MALRD1: variants seen among roughly 807,000 people sequenced by gnomAD.
MALRD1 encodes the protein MAM and LDL-receptor class A domain-containing protein 1.
A neutral mutation model predicts 242.1 loss-of-function variants in MALRD1; 247 were observed. That is an observed-to-expected ratio of 1.02 (90% CI 0.92 to 1.13). MALRD1 has a LOEUF of 1.13. Among genes scored for constraint, MALRD1 ranks in the 50% most tolerant of loss-of-function variants. The probability of loss-of-function intolerance (pLI) is 0.00; values close to 1 mark genes in which losing one functional copy is unlikely to be tolerated. For missense variants in MALRD1, 2,989 were observed against 2,533.1 expected (o/e 1.18, Z -3.86); for synonymous variants, 995 against 866.6 (o/e 1.15, Z -2.60).
intron 14 of MALRD1, among the ~76,000 whole-genome samples, chr10:19,179,289 G>T (rs1835392049): frequency 6.6e-6 from 1 of 152,164 alleles, no homozygotes; most frequent in Non-Finnish European, 1.5e-5. Context: ...ATAAGCTCTA[G>T]ACATCTGCTG....
intron 36 of MALRD1, among the ~76,000 whole-genome samples, chr10:19,645,999 C>T (rs1236686643): frequency 2.0e-5 from 3 of 151,852 alleles, no homozygotes; most frequent in African/African-American, 7.3e-5. Flanking sequence ...TGTTTTTGTT[C>T]TTGTGAACTA....
intron 22 of MALRD1, among the ~76,000 whole-genome samples, chr10:19,325,824 TC>T (rs1412775197): frequency 6.6e-6 from 1 of 152,092 alleles, no homozygotes; most frequent in African/African-American, 2.4e-5. Flanking sequence ...TTTCCTGCTT[TC>T]TTTTTCCCCA....
At chr10:19,149,216 A>G (rs1459032136) in intron 11 of MALRD1, among the ~76,000 whole-genome samples, 2 of 151,992 alleles carry the variant, frequency 1.3e-5, no homozygotes, top group African/African-American at 4.8e-5. Flanking sequence ...CCCAGGTTCA[A>G]GCAATTCTCC....
intron 29 of MALRD1, among the ~76,000 whole-genome samples, chr10:19,479,000 T>C (rs1816301581): frequency 6.6e-6 from 1 of 152,248 alleles, no homozygotes; most frequent in Non-Finnish European, 1.5e-5. Flanking sequence ...ATGTTTAGAA[T>C]GTATTTGGTG....
intron 28 of MALRD1, among the ~76,000 whole-genome samples, chr10:19,420,230 G>A (rs764672376): frequency 2.6e-5 from 4 of 152,074 alleles, no homozygotes; most frequent in Non-Finnish European, 4.4e-5. Context: ...ATGACGGGGT[G>A]AGTGGTTTGG....
chr10:19,137,990 TATA>T (rs1481564104), intron 10 of MALRD1, among the ~76,000 whole-genome samples: 2 of 152,206 alleles, frequency 1.3e-5, no homozygotes, highest in African/African-American at 4.8e-5. Flanking sequence ...GTGAAAATAT[TATA>T]ATAAGATAAA....
At chr10:19,097,515 T>G (rs1836085440) in intron 4 of MALRD1, among the ~76,000 whole-genome samples, 1 of 152,182 alleles carries the variant, frequency 6.6e-6, no homozygotes, top group African/African-American at 2.4e-5. Context: ...ACTGTTGTCC[T>G]AAAATGTTCA....
At chr10:19,278,679 T>G (rs1840656707) in intron 19 of MALRD1, among the ~76,000 whole-genome samples, 1 of 152,126 alleles carries the variant, frequency 6.6e-6, no homozygotes, top group Non-Finnish European at 1.5e-5. Context: ...TCTGACTGCC[T>G]TGCCCACTAG....
chr10:19,306,493 C>T (rs535496568), intron 21 of MALRD1, among the ~76,000 whole-genome samples: 13 of 138,968 alleles, frequency 9.4e-5, no homozygotes, highest in Admixed American at 3.8e-4. Context: ...TATATAGTGT[C>T]GTATATGTAC....
chr10:19,384,828 A>G (rs1172611224), intron 26 of MALRD1, among the ~76,000 whole-genome samples: 1 of 150,842 alleles, frequency 6.6e-6, no homozygotes, highest in Non-Finnish European at 1.5e-5. Flanking sequence ...AAGACTGGGC[A>G]TTAATTCTTT....
intron 10 of MALRD1, among the ~76,000 whole-genome samples, chr10:19,138,978 T>C (rs1833450317): frequency 6.6e-6 from 1 of 152,192 alleles, no homozygotes; most frequent in Admixed American, 6.5e-5. Flanking sequence ...ATTAGTCTTT[T>C]AAGTTTTTAA....
chr10:19,384,030 A>G (rs950905288), intron 26 of MALRD1, among the ~76,000 whole-genome samples: 1 of 151,784 alleles, frequency 6.6e-6, no homozygotes, highest in Non-Finnish European at 1.5e-5. Context: ...CTGAATGATA[A>G]TTCTGGTATT....
In MALRD1 at chr10:19,367,699, T is replaced by A. The variant is rs529387866; in HGVS notation, c.4441+15402T>A. Among the ~76,000 whole-genome samples the A allele has an allele frequency of 9.2e-5, 14 of 152,266 alleles. No individual in the cohort carries two copies. In the East Asian group the frequency reaches 2.7e-3, roughly 29 times the overall value. Reference sequence around the variant, plus strand: ...GAAACCTCCATACTGTTCTTCGTAGTGGCTGCACTAGTTTTCATTCTCAAG... The same window carrying A: ...GAAACCTCCATACTGTTCTTCGTAGAGGCTGCACTAGTTTTCATTCTCAAG... On this transcript the variant is annotated intron_variant, in intron 26 of 39. Coordinates refer to ENST00000454679, the MANE Select transcript of MALRD1 (RefSeq NM_001142308.3).
intron 38 of MALRD1, among the ~76,000 whole-genome samples, chr10:19,702,071 A>C (rs1158032513): frequency 6.6e-6 from 1 of 152,150 alleles, no homozygotes; most frequent in African/African-American, 2.4e-5. Flanking sequence ...AAGGAGCTCA[A>C]CTTAAATATT....
intron 28 of MALRD1, among the ~76,000 whole-genome samples, chr10:19,423,440 C>T (rs943993825): frequency 8.1e-4 from 123 of 151,900 alleles, no homozygotes; most frequent in African/African-American, 2.8e-3. Flanking sequence ...TAATCTGGTA[C>T]AAAAATGCCC....
intron 33 of MALRD1, among the ~76,000 whole-genome samples, chr10:19,568,141 T>C (rs1414359184): frequency 6.6e-6 from 1 of 152,126 alleles, no homozygotes; most frequent in Admixed American, 6.6e-5. Flanking sequence ...ATGCTCATTC[T>C]ATTTCAAAAA....
chr10:19,291,208 C>A (rs892901936), intron 21 of MALRD1, among the ~76,000 whole-genome samples: 1 of 152,120 alleles, frequency 6.6e-6, no homozygotes, highest in Non-Finnish European at 1.5e-5. Flanking sequence ...CCTCACACTT[C>A]ATTCATGTGA....
At chr10:19,600,067 A>G (rs1055171375) in intron 34 of MALRD1, among the ~76,000 whole-genome samples, 5 of 152,078 alleles carry the variant, frequency 3.3e-5, no homozygotes, top group Admixed American at 2.0e-4. Context: ...TGGGTAGCTT[A>G]CCTCCTTTCC....
chr10:19,137,607 G>GAAAAAA (rs34768480), intron 10 of MALRD1, among the ~76,000 whole-genome samples: 2 of 84,452 alleles, frequency 2.4e-5, no homozygotes, highest in African/African-American at 4.4e-5. Flanking sequence ...GACTCCGTCT[G>GAAAAAA]AAAAAAAAAA....
Sources: allele counts gnomAD v4.1 joint callset (sites outside exome capture counted in the v4.1 genomes callset), GRCh38; gene constraint gnomAD v4.1.1; transcripts MANE v1.5; gene names NCBI Gene and HGNC (gene_info 2026-07-23, HGNC 2026-07-21).